Variants in RBFOX3 observed in about 807,000 individuals in gnomAD.
The protein encoded by RBFOX3 is RNA binding fox-1 homolog 3.
A neutral mutation model predicts 48.7 loss-of-function variants in RBFOX3; 17 were observed. The observed-to-expected ratio is 0.35, with a 90% CI of 0.24 to 0.52. The LOEUF (loss-of-function observed/expected upper bound fraction) is 0.52. RBFOX3 is among the 20% of genes least tolerant of loss of function. The probability of loss-of-function intolerance (pLI) is 0.94; values close to 1 mark genes in which losing one functional copy is unlikely to be tolerated. For synonymous variants in RBFOX3, 212 were observed against 209.5 expected, an observed-to-expected ratio of 1.01 and a Z score of -0.10; for missense variants, 382 against 497.5, an observed-to-expected ratio of 0.77 and a Z score of 2.21.
chr17:79,124,274 C>T (rs780716278), intron 4 of RBFOX3, among the ~76,000 whole-genome samples: 39 of 152,224 alleles, frequency 2.6e-4, no homozygotes, highest in African/African-American at 5.1e-4. Flanking sequence ...TTTACCGGCA[C>T]GCCACTGCCC....
At chr17:79,661,638 G>T in the RBFOX3 span, among the ~76,000 whole-genome samples, 1 of 152,170 alleles carries the variant, frequency 6.6e-6, no homozygotes, top group East Asian at 1.9e-4. Flanking sequence ...GCTGGGTTCT[G>T]GGGCAGGTGT....
chr17:79,656,745 A>AAGGAAGGAAGGAAG, the RBFOX3 span, among the ~76,000 whole-genome samples: 1 of 79,826 alleles, frequency 1.3e-5, no homozygotes, highest in African/African-American at 4.6e-5. Flanking sequence ...AAAGAAAGAA[A>AAGGAAGGAAGGAAG]GAAAGAAGGA....
In RBFOX3 at chr17:79,388,414, G is replaced by A. The variant is rs1217224484; in HGVS notation, c.-174-80590C>T. ...TGTCAAGGGTTACTCATCTCCCCACGCATGGAGCCTGTTCCCTACTTCTTC... is the reference window on the plus strand; with the variant it reads ...TGTCAAGGGTTACTCATCTCCCCACACATGGAGCCTGTTCCCTACTTCTTC... On this transcript the variant is annotated intron_variant, in intron 2 of 14. Coordinates refer to ENST00000693108, the MANE Select transcript of RBFOX3 (RefSeq NM_001350451.2). Among the ~76,000 whole-genome samples the A allele has an allele frequency of 3.3e-5, 5 of 152,178 alleles. No homozygotes were observed. The East Asian group carries it at 5.8e-4, about 18-fold the overall frequency.
At position 79,456,644 on chromosome 17, in the gene RBFOX3, C is replaced by T. The variant is rs568525206; in HGVS notation, c.-175+25810G>A. On this transcript the variant is annotated intron_variant, in intron 2 of 14. Transcript: ENST00000693108. Reference sequence around the variant, plus strand: ...GAGATGCCATCATTTTATAAAGACACTGTTAAATGCATATTTATACCAGGC... The same window carrying T: ...GAGATGCCATCATTTTATAAAGACATTGTTAAATGCATATTTATACCAGGC... Among the ~76,000 whole-genome samples the T allele has an allele frequency of 3.3e-5, 5 of 152,256 alleles. No homozygotes were observed. In the South Asian group the frequency reaches 8.3e-4, roughly 25 times the overall value.
At chr17:79,414,476 G>A (rs1012605773) in intron 2 of RBFOX3, among the ~76,000 whole-genome samples, 4 of 152,160 alleles carry the variant, frequency 2.6e-5, no homozygotes, top group East Asian at 3.9e-4. Context: ...CAAATGCGGC[G>A]GGACGGTGCC....
chr17:79,091,953 C>T, intron 14 of RBFOX3: 1 of 985,364 alleles, frequency 1.0e-6, no homozygotes, highest in Non-Finnish European at 1.2e-6. Flanking sequence ...GAAATATCGT[C>T]AATAAAATTT....
intron 3 of RBFOX3, among the ~76,000 whole-genome samples, chr17:79,245,868 C>T (rs1312549546): frequency 6.6e-6 from 1 of 152,156 alleles, no homozygotes; most frequent in Admixed American, 6.5e-5. Context: ...CTCAGGCTAT[C>T]CACTCACCTT....
intron 3 of RBFOX3, among the ~76,000 whole-genome samples, chr17:79,284,542 G>T (rs1167694132): frequency 5.1e-5 from 2 of 39,028 alleles, no homozygotes; most frequent in Non-Finnish European, 1.0e-4. Flanking sequence ...GAAGAGACTC[G>T]CTTTTTTTTT....
rs74002535 is a variant in RBFOX3 at position 79,548,766 on chromosome 17, G to A, written c.-320+62060C>T. ...TTGGGCATGCGTTGCATGTACTGCT[G>A]TAGCCCCAGTGCCTGCTTCAGGACC... On this transcript the variant is annotated intron_variant, in intron 1 of 14. Coordinates refer to ENST00000693108, the MANE Select transcript of RBFOX3 (RefSeq NM_001350451.2). Among the ~76,000 whole-genome samples, 229 of 152,326 alleles carry A rather than the reference G, an allele frequency of 1.5e-3. 4 individuals are homozygous for A. The highest frequency in any genetic ancestry group is 5.1e-3 in the African/African-American group (214 of 41,566).
chr17:79,647,388 G>A, the RBFOX3 span, among the ~76,000 whole-genome samples: 2 of 152,152 alleles, frequency 1.3e-5, no homozygotes. Context: ...TCTCTGCACA[G>A]GAAAGCAGCA....
chr17:79,128,906 T>C (rs1015404674), intron 4 of RBFOX3, among the ~76,000 whole-genome samples: 1 of 152,192 alleles, frequency 6.6e-6, no homozygotes, highest in African/African-American at 2.4e-5. Context: ...AGAGGTGCTA[T>C]TGCAAATGCC....
At chr17:79,219,006 C>T (rs544653536) in intron 4 of RBFOX3, among the ~76,000 whole-genome samples, 1 of 152,324 alleles carries the variant, frequency 6.6e-6, no homozygotes, top group South Asian at 2.1e-4. Context: ...GCGGCCTCAG[C>T]CTGCTCTGCG....
intron 2 of RBFOX3, among the ~76,000 whole-genome samples, chr17:79,399,106 AG>A: frequency 6.6e-6 from 1 of 152,260 alleles, no homozygotes; most frequent in South Asian, 2.1e-4. Context: ...GGCGGCCCCC[AG>A]AGGCTAAGAA....
the RBFOX3 span, among the ~76,000 whole-genome samples, chr17:79,624,011 ACAGACCG>A: frequency 6.6e-6 from 1 of 152,150 alleles, no homozygotes; most frequent in Admixed American, 6.5e-5. Context: ...AGGCCCGGAA[ACAGACCG>A]CACCTTTGAC....
At position 79,392,471 on chromosome 17, in the gene RBFOX3, G is replaced by A. The variant is rs911746541; in HGVS notation, c.-174-84647C>T. On this transcript the variant is annotated intron_variant, in intron 2 of 14. Coordinates refer to ENST00000693108, the MANE Select transcript of RBFOX3 (RefSeq NM_001350451.2). The surrounding 1 kb of genome is among the most constrained non-coding windows in gnomAD (Gnocchi z 5.0). ...GTAATGTCGGTGGTACAGGTGTCTT[G>A]TGGCTGTCACTGAGGTTGTTCATAA... Among the ~76,000 whole-genome samples, 1 of 152,194 alleles carries A rather than the reference G, an allele frequency of 6.6e-6. No individual in the cohort carries two copies. The highest frequency in any genetic ancestry group is 1.5e-5 in the Non-Finnish European group (1 of 68,040).
chr17:79,237,126 C>A lies in RBFOX3; in HGVS notation c.-73-1321G>T, dbSNP rs571877618. Among the ~76,000 whole-genome samples the A allele has an allele frequency of 3.3e-5, 5 of 152,176 alleles. No individual in the cohort carries two copies. The South Asian group carries it at 1.0e-3, about 32-fold the overall frequency. On this transcript the variant is annotated intron_variant, in intron 3 of 14. Coordinates refer to ENST00000693108, the MANE Select transcript of RBFOX3 (RefSeq NM_001350451.2). ...ATACCTGTTAAGATGCCACTCCCTG[C>A]CCCCAGCCTCCTGTGCATATGTGTA...
chr17:79,622,454 C>T, the RBFOX3 span, among the ~76,000 whole-genome samples: 60 of 152,300 alleles, frequency 3.9e-4, no homozygotes, highest in African/African-American at 1.4e-3. Context: ...CCACTGCTCT[C>T]CCTCCCCCAG....
At chr17:79,178,828 C>T (rs994312136) in intron 4 of RBFOX3, among the ~76,000 whole-genome samples, 1 of 152,226 alleles carries the variant, frequency 6.6e-6, no homozygotes, top group Admixed American at 6.5e-5. Flanking sequence ...TAAACATCAC[C>T]CGACCTCAAC....
At chr17:79,337,586 C>T (rs114268848) in intron 2 of RBFOX3, among the ~76,000 whole-genome samples, 1,559 of 152,224 alleles carry the variant, frequency 0.01, 17 homozygotes, top group African/African-American at 0.036. Flanking sequence ...GACCAGCCTG[C>T]CCAAGATGGT....
Sources: allele counts gnomAD v4.1 joint callset (sites outside exome capture counted in the v4.1 genomes callset), GRCh38; gene constraint gnomAD v4.1.1; non-coding constraint Gnocchi (gnomAD v3.1); transcripts MANE v1.5; gene names NCBI Gene and HGNC (gene_info 2026-07-23, HGNC 2026-07-21).